PCCA: variants seen among roughly 807,000 people sequenced by gnomAD.
The protein encoded by PCCA is propionyl-CoA carboxylase subunit alpha, also known as propionyl-CoA carboxylase alpha chain, mitochondrial.
In PCCA, 74 loss-of-function variants were observed where a neutral mutation model predicts 101.3. The ratio of observed to expected loss-of-function variants is 0.73; its 90% CI spans 0.61 to 0.89. The LOEUF (loss-of-function observed/expected upper bound fraction) is 0.89, where lower values mean the gene tolerates loss of function less well. PCCA is among the 40% of genes least tolerant of loss of function. The pLI is 0.00. For synonymous variants in PCCA, 294 were observed against 313.6 expected (o/e 0.94, Z 0.66); for missense variants, 891 against 907.0 (o/e 0.98, Z 0.23).
At chr13:100,389,481 C>T (rs1219557561) in intron 19 of PCCA, among the ~76,000 whole-genome samples, 2 of 151,922 alleles carry the variant, frequency 1.3e-5, no homozygotes, top group Non-Finnish European at 2.9e-5. Flanking sequence ...CTGGCGCCTA[C>T]CAAAGGGTGG....
intron 8 of PCCA, among the ~76,000 whole-genome samples, chr13:100,249,438 T>C (rs1362751881): frequency 5.9e-5 from 9 of 152,190 alleles, no homozygotes. Flanking sequence ...CTTGAGTAAT[T>C]TGTCTGTCTT....
intron 8 of PCCA, among the ~76,000 whole-genome samples, chr13:100,248,013 AT>A (rs1430140223): frequency 1.3e-5 from 2 of 151,962 alleles, no homozygotes; most frequent in African/African-American, 4.8e-5. Context: ...AAACAAGCTT[AT>A]TTTTGTTTTA....
At chr13:100,182,183 C>T (rs1185257988) in intron 6 of PCCA, among the ~76,000 whole-genome samples, 6 of 135,954 alleles carry the variant, frequency 4.4e-5, no homozygotes, top group East Asian at 4.5e-4. Context: ...CTGCAACCTC[C>T]ACCTCCCCGT....
intron 20 of PCCA, among the ~76,000 whole-genome samples, chr13:100,429,971 A>G (rs1349004714): frequency 6.6e-6 from 1 of 151,960 alleles, no homozygotes; most frequent in Admixed American, 6.6e-5. Flanking sequence ...TTTACCCACT[A>G]TCTAGATTAA....
At chr13:100,400,883 C>T (rs1029398869) in intron 19 of PCCA, among the ~76,000 whole-genome samples, 13 of 152,014 alleles carry the variant, frequency 8.6e-5, no homozygotes, top group Non-Finnish European at 1.8e-4. Flanking sequence ...ACCTTGGACT[C>T]CCAAAGTGTT....
chr13:100,461,870 G>A (rs983812133), intron 21 of PCCA, among the ~76,000 whole-genome samples: 3 of 152,196 alleles, frequency 2.0e-5, no homozygotes, highest in Non-Finnish European at 2.9e-5. Context: ...AAGAGAAACG[G>A]ATAGAAAGTA....
intron 13 of PCCA, among the ~76,000 whole-genome samples, chr13:100,302,230 G>T (rs2066119781): frequency 6.6e-6 from 1 of 151,922 alleles, no homozygotes; most frequent in East Asian, 1.9e-4. Context: ...GGTAACATTT[G>T]TACTATTTTT....
chr13:100,360,386 A>G (rs572167540), intron 18 of PCCA, among the ~76,000 whole-genome samples: 5 of 152,172 alleles, frequency 3.3e-5, no homozygotes, highest in South Asian at 2.1e-4. Flanking sequence ...TTGGTCTACA[A>G]ATTTTCCTGA....
chr13:100,227,132 C>T (rs781202329), intron 7 of PCCA, among the ~76,000 whole-genome samples: 9 of 152,052 alleles, frequency 5.9e-5, no homozygotes, highest in African/African-American at 1.7e-4. Flanking sequence ...CCACCACGCC[C>T]GGCTAATTTT....
intron 18 of PCCA, among the ~76,000 whole-genome samples, chr13:100,340,485 TTTGGAC>T (rs1363820238): frequency 6.6e-6 from 1 of 152,216 alleles, no homozygotes; most frequent in African/African-American, 2.4e-5. Context: ...GCCCTTTTAA[TTTGGAC>T]ATAAGAAGAT....
intron 19 of PCCA, among the ~76,000 whole-genome samples, chr13:100,378,179 A>C (rs940105855): frequency 6.6e-6 from 1 of 152,174 alleles, no homozygotes; most frequent in East Asian, 1.9e-4. Flanking sequence ...TTTCTCCTTC[A>C]TTAATGAAGG....
intron 8 of PCCA, among the ~76,000 whole-genome samples, chr13:100,239,862 A>G (rs1448609674): frequency 6.6e-6 from 1 of 152,074 alleles, no homozygotes; most frequent in African/African-American, 2.4e-5. Flanking sequence ...CAGGTCTACC[A>G]TACTACAAAC....
chr13:100,381,230 A>G (rs546950074), intron 19 of PCCA, among the ~76,000 whole-genome samples: 1 of 152,206 alleles, frequency 6.6e-6, no homozygotes, highest in South Asian at 2.1e-4. Context: ...TAAAAATACA[A>G]AAACAAAATT....
intron 21 of PCCA, among the ~76,000 whole-genome samples, chr13:100,471,430 A>ACAGCTGTGAATTTTCCAAC (rs2083002029): frequency 1.3e-5 from 2 of 152,276 alleles, no homozygotes; most frequent in Non-Finnish European, 2.9e-5. Flanking sequence ...GATGTGAAGT[A>ACAGCTGTGAATTTTCCAAC]AGCACATGCT....
intron 12 of PCCA, among the ~76,000 whole-genome samples, chr13:100,301,128 G>A (rs1466707310): frequency 6.6e-6 from 1 of 152,212 alleles, no homozygotes; most frequent in East Asian, 1.9e-4. Context: ...CCACATTGAA[G>A]ATTGCCGTGA....
intron 16 of PCCA, among the ~76,000 whole-genome samples, chr13:100,314,490 CCAACCCCTTAAT>C (rs1175725857): frequency 6.6e-6 from 1 of 152,162 alleles, no homozygotes; most frequent in African/African-American, 2.4e-5. Context: ...GCTGAAAGTT[CCAACCCCTTAAT>C]CACATGGTTG....
At chr13:100,227,571 TG>T (rs2060215260) in intron 7 of PCCA, among the ~76,000 whole-genome samples, 1 of 152,226 alleles carries the variant, frequency 6.6e-6, no homozygotes, top group Non-Finnish European at 1.5e-5. Context: ...AAATGGGTAC[TG>T]GTTTGCTTGG....
At chr13:100,202,100 C>T (rs2058552598) in intron 6 of PCCA, among the ~76,000 whole-genome samples, 1 of 142,432 alleles carries the variant, frequency 7.0e-6, no homozygotes, top group African/African-American at 2.6e-5. Context: ...GAGACTGAGG[C>T]AGGAGGATCA....
intron 19 of PCCA, among the ~76,000 whole-genome samples, chr13:100,407,546 G>A (rs1294802289): frequency 1.3e-5 from 2 of 152,166 alleles, no homozygotes; most frequent in Admixed American, 1.3e-4. Context: ...AAACCTTGTT[G>A]TGTTTTTATT....
Sources: gnomAD v4.1 joint callset for allele counts (sites outside exome capture counted in the v4.1 genomes callset) on GRCh38, gnomAD v4.1.1 for gene constraint, MANE v1.5 for transcripts, NCBI Gene and HGNC (gene_info 2026-07-23, HGNC 2026-07-21) for gene names.